The following FADS2 variants were observed in gnomAD, a reference collection of about 807,000 sequenced individuals.
The protein encoded by FADS2 is fatty acid desaturase 2, also known as acyl-CoA 6-desaturase.
A neutral mutation model predicts 61.2 loss-of-function variants in FADS2; 18 were observed. That is an observed-to-expected ratio of 0.29 (90% confidence interval 0.20 to 0.44). The LOEUF is 0.44. Among genes scored for constraint, FADS2 ranks in the 20% least tolerant of loss-of-function variants. FADS2 has a pLI of 1.00. For synonymous variants in FADS2, 203 were observed against 223.9 expected, an observed-to-expected ratio of 0.91 and a Z score of 0.83; for missense variants, 322 against 572.7, an observed-to-expected ratio of 0.56 and a Z score of 4.47.
At chr11:61,825,227 C>G (rs531902601), upstream of FADS2, among the ~76,000 whole-genome samples, 25 of 152,326 alleles carry the variant, frequency 1.6e-4, no homozygotes, top group South Asian at 5.0e-3. Context: ...TTGCTCAACT[C>G]AAATGCTAGA....
chr11:61,816,790 G>C lies in FADS2; in HGVS notation c.141+364G>C. ...CCTGGCGACGCCGCGCGCCGGGCCAGCAGGGGCTGTCAGGCGCGTGCTCGG... is the reference window on the plus strand; with the variant it reads ...CCTGGCGACGCCGCGCGCCGGGCCACCAGGGGCTGTCAGGCGCGTGCTCGG... On this transcript the variant is annotated intron_variant, in intron 1 of 11. Coordinates refer to the FADS2 transcript ENST00000257261. This position sits in a 1 kb window ranked among gnomAD's most constrained non-coding sequence, Gnocchi z 7.0. 4 of 1,512,944 alleles carry C rather than the reference G, an allele frequency of 2.6e-6. No individual in the cohort carries two copies. The highest frequency in any genetic ancestry group is 3.5e-6 in the Non-Finnish European group (4 of 1,137,606). 93.7% of individuals were successfully genotyped at this position (1,512,944 alleles called of 1,614,324 possible).
upstream of FADS2, among the ~76,000 whole-genome samples, chr11:61,824,511 G>GAA (rs1565325474): frequency 4.3e-5 from 5 of 115,486 alleles, no homozygotes; most frequent in South Asian, 1.0e-3. Flanking sequence ...AGGAAAGAAA[G>GAA]AAAGAAAGAA....
intron 6 of FADS2, 91 bp from the exon 7 acceptor site, chr11:61,857,363 C>T (rs893923051): frequency 4.2e-6 from 5 of 1,204,706 alleles, no homozygotes; most frequent in Non-Finnish European, 4.9e-6. Flanking sequence ...AGGGCTGGCC[C>T]CTGCACTCAG....
intron 1 of FADS2, among the ~76,000 whole-genome samples, chr11:61,822,298 A>G (rs528595146): frequency 3.3e-5 from 5 of 152,316 alleles, no homozygotes; most frequent in African/African-American, 9.6e-5. Flanking sequence ...TAGAATATAG[A>G]TGCCTTAGGG....
intron 4 of FADS2, among the ~76,000 whole-genome samples, chr11:61,844,495 G>C (rs1396481297): frequency 6.6e-6 from 1 of 152,008 alleles, no homozygotes; most frequent in Admixed American, 6.6e-5. Context: ...GTTGCAGTGA[G>C]CCGAGATCGT....
At chr11:61,856,700 C>T (rs2067362365) in intron 5 of FADS2, 2 of 367,214 alleles carry the variant, frequency 5.4e-6, no homozygotes, top group African/African-American at 2.1e-5. Flanking sequence ...AGGGCCACTT[C>T]CTGTGGCCTT....
upstream of FADS2, chr11:61,828,045 G>C: frequency 2.6e-6 from 3 of 1,169,138 alleles, no homozygotes; most frequent in South Asian, 2.3e-5. This position sits in a 1 kb window ranked among gnomAD's most constrained non-coding sequence, Gnocchi z 6.4. Flanking sequence ...AACCCGAGGC[G>C]GGGGGAGCCG....
rs571986007 is a variant in FADS2 at position 61,847,979 on chromosome 11, G to T, written c.619-180G>T. On this transcript the variant is annotated intron_variant, in intron 4 of 11. Transcript: ENST00000278840. ...GAGATAAAGTGACTTCACTCCATCT[G>T]GGGCTGGCGCATGCTCTGAGCTCAG... 151 of 639,810 alleles carry T rather than the reference G, an allele frequency of 2.4e-4. 4 individuals are homozygous for T. In the South Asian group the frequency reaches 2.9e-3, roughly 12 times the overall value. The allele number at this position is 639,810 out of a possible 1,614,324, so 39.6% of individuals were successfully genotyped here. A position where few individuals can be genotyped will look rare whatever the true frequency, so the allele number is the denominator to read the frequency against.
At position 61,816,501 on chromosome 11, in the gene FADS2, T is replaced by C. The variant is rs765810768; in HGVS notation, c.141+75T>C. 1.8e-5 allele frequency: 29 copies of C among 1,599,898 alleles called. No homozygotes were observed. Among genetic ancestry groups the C allele is most frequent in the Non-Finnish European group, 2.4e-5 (28 of 1,176,780 alleles). On this transcript the variant is annotated intron_variant, in intron 1 of 11. Transcript: ENST00000257261. The surrounding 1 kb of genome is among the most constrained non-coding windows in gnomAD (Gnocchi z 7.0). ...TCGGAGTGCGTAACTCTGTCTCCCC[T>C]GCACTCAGCCTCCGGTCCCGCCCTC...
Position 61,867,321 on chromosome 11 carries a change from A to AT in FADS2, c.*1638dup, listed in dbSNP as rs2067480729. 1 of 151,408 alleles carries AT rather than the reference A, an allele frequency of 6.6e-6. No homozygotes were observed. Among genetic ancestry groups the AT allele is most frequent in the African/African-American group, 2.4e-5 (1 of 41,112 alleles). 9.4% of individuals were successfully genotyped at this position (151,408 alleles called of 1,614,324 possible). Reference sequence around the variant, plus strand: ...TATCATGTTACTTCCCCACCCCTACATTTTTTGAAATAAAATAAGGAATTT... The same window carrying AT: ...TATCATGTTACTTCCCCACCCCTACATTTTTTTGAAATAAAATAAGGAATTT... On this transcript the variant is annotated 3_prime_UTR_variant, in exon 12 of 12. Transcript: ENST00000278840.
chr11:61,835,565 T>TA, intron 1 of FADS2, among the ~76,000 whole-genome samples: 1 of 151,656 alleles, frequency 6.6e-6, no homozygotes, highest in East Asian at 1.9e-4. Flanking sequence ...GGCTAATTTT[T>TA]TTTTTTTTTT....
chr11:61,861,496 C>T (rs1190618493), intron 7 of FADS2, among the ~76,000 whole-genome samples: 1 of 151,920 alleles, frequency 6.6e-6, no homozygotes. Context: ...AAAAAATAAT[C>T]CGTAACCCCA....
chr11:61,861,107 C>A (rs1194087615), intron 7 of FADS2, among the ~76,000 whole-genome samples: 1 of 151,928 alleles, frequency 6.6e-6, no homozygotes, highest in Non-Finnish European at 1.5e-5. Flanking sequence ...GTAATACCAG[C>A]ACTTTGGGAG....
chr11:61,862,798 G>A (rs528255612), intron 7 of FADS2, 174 bp from the exon 8 acceptor site: 26 of 614,436 alleles, frequency 4.2e-5, no homozygotes, highest in Non-Finnish European at 7.0e-5. Context: ...AGAAACAAAG[G>A]CAGCCATGCA....
At chr11:61,818,558 A>T (rs906067489) in intron 1 of FADS2, among the ~76,000 whole-genome samples, 1 of 152,260 alleles carries the variant, frequency 6.6e-6, no homozygotes, top group Non-Finnish European at 1.5e-5. Context: ...CCTGACAATA[A>T]GAAAATCGCC....
chr11:61,863,918 C>A, intron 10 of FADS2, 132 bp downstream of exon 10: 1 of 741,016 alleles, frequency 1.3e-6, no homozygotes, highest in African/African-American at 1.7e-5. Flanking sequence ...CAATATAGAG[C>A]AAGGCTCCCA....
At chr11:61,820,201 C>T (rs1443794882) in intron 1 of FADS2, among the ~76,000 whole-genome samples, 2 of 151,994 alleles carry the variant, frequency 1.3e-5, no homozygotes, top group African/African-American at 2.4e-5. Context: ...TGATCAACCC[C>T]ACCTACCTAG....
intron 7 of FADS2, chr11:61,862,656 C>T (rs920993467): frequency 1.7e-5 from 6 of 350,644 alleles, no homozygotes; most frequent in South Asian, 6.3e-5. Context: ...CCTTCAGAAT[C>T]GCCCTTGCCC....
chr11:61,819,027 C>T (rs1006661807), intron 1 of FADS2, among the ~76,000 whole-genome samples: 16 of 152,000 alleles, frequency 1.1e-4, no homozygotes, highest in African/African-American at 3.1e-4. Context: ...CCCGCCACCA[C>T]GCCCAGCTAA....
Sources: allele counts gnomAD v4.1 joint callset (sites outside exome capture counted in the v4.1 genomes callset), GRCh38; gene constraint gnomAD v4.1.1; non-coding constraint Gnocchi (gnomAD v3.1); transcripts MANE v1.5; gene names NCBI Gene and HGNC (gene_info 2026-07-23, HGNC 2026-07-21).